Variants in XIRP2 observed in about 807,000 individuals in gnomAD.
XIRP2 encodes xin actin-binding repeat-containing protein 2.
In XIRP2, 236 loss-of-function variants were observed where a neutral mutation model predicts 277.0. The ratio of observed to expected loss-of-function variants is 0.85; its 90% CI spans 0.77 to 0.95. XIRP2 has a LOEUF of 0.95. Among genes scored for constraint, XIRP2 ranks in the 40% least tolerant of loss-of-function variants. The pLI is 0.00. For synonymous variants in XIRP2, 1,490 were observed against 1,416.5 expected, an observed-to-expected ratio of 1.05 and a Z score of -1.17; for missense variants, 4,640 against 4,157.5, an observed-to-expected ratio of 1.12 and a Z score of -3.19.
intron 5 of XIRP2, among the ~76,000 whole-genome samples, chr2:167,222,212 G>A (rs1334277742): frequency 2.0e-5 from 3 of 152,170 alleles, no homozygotes; most frequent in Non-Finnish European, 4.4e-5. Flanking sequence ...TTTAAACTTA[G>A]GATGATGTCC....
At chr2:167,186,653 A>C (rs2105361844) in intron 3 of XIRP2, among the ~76,000 whole-genome samples, 1 of 152,222 alleles carries the variant, frequency 6.6e-6, no homozygotes, top group South Asian at 2.1e-4. Context: ...AAGGACATTT[A>C]ATATGATTCT....
chr2:166,899,888 G>A (rs1684336854), intron 1 of XIRP2, among the ~76,000 whole-genome samples: 1 of 152,012 alleles, frequency 6.6e-6, no homozygotes, highest in Non-Finnish European at 1.5e-5. Context: ...ATGCCACCGC[G>A]CAACGTGAAT....
Position 167,254,137 on chromosome 2 carries a change from C to T in XIRP2, c.*11C>T, listed in dbSNP as rs267598989. The T allele has an allele frequency of 1.3e-5, 21 of 1,609,940 alleles. No individual in the cohort carries two copies. Among genetic ancestry groups the T allele is most frequent in the Non-Finnish European group, 1.7e-5 (20 of 1,177,892 alleles). On this transcript the variant is annotated 3_prime_UTR_variant, in exon 10 of 11. Coordinates refer to ENST00000409195, the MANE Select transcript of XIRP2 (RefSeq NM_152381.6). ...GCAGAATTTTCATAAGTCCTGCTTC[C>T]GATGCCACCATTGCAACAGTAAACT... is the stretch of plus-strand genomic sequence containing the variant.
intron 4 of XIRP2, among the ~76,000 whole-genome samples, chr2:167,213,397 C>A (rs1318316761): frequency 6.6e-6 from 1 of 152,084 alleles, no homozygotes; most frequent in East Asian, 1.9e-4. Flanking sequence ...GTCCAACTCC[C>A]AAAATTATGT....
chr2:167,168,393 A>G (rs1692584779), intron 3 of XIRP2, among the ~76,000 whole-genome samples: 1 of 151,284 alleles, frequency 6.6e-6, no homozygotes, highest in Non-Finnish European at 1.5e-5. Context: ...AAGTTGTCTC[A>G]TGGTTCTGGG....
At chr2:167,225,331 A>G (rs1213665641) in intron 5 of XIRP2, among the ~76,000 whole-genome samples, 4 of 152,180 alleles carry the variant, frequency 2.6e-5, no homozygotes, top group African/African-American at 9.6e-5. Flanking sequence ...ATTTTTTTCA[A>G]TGCTTACAAG....
chr2:167,107,862 T>C (rs1026142059), intron 2 of XIRP2, among the ~76,000 whole-genome samples: 8 of 151,746 alleles, frequency 5.3e-5, no homozygotes, highest in African/African-American at 1.7e-4. Flanking sequence ...AATTTGTGTT[T>C]GTATGTTTCT....
intron 2 of XIRP2, among the ~76,000 whole-genome samples, chr2:167,088,803 C>A (rs1399106487): frequency 6.6e-6 from 1 of 152,156 alleles, no homozygotes; most frequent in Non-Finnish European, 1.5e-5. Context: ...TCTTATTCAT[C>A]TTTCATGTTT....
intron 3 of XIRP2, among the ~76,000 whole-genome samples, chr2:167,152,371 T>C (rs973617923): frequency 2.0e-5 from 3 of 151,726 alleles, no homozygotes; most frequent in African/African-American, 7.3e-5. Context: ...AACTCATGTC[T>C]TTGTGCTATC....
intron 2 of XIRP2, among the ~76,000 whole-genome samples, chr2:167,085,589 T>C (rs999083044): frequency 6.6e-6 from 1 of 152,156 alleles, no homozygotes; most frequent in South Asian, 2.1e-4. Context: ...AGTCTCTTTG[T>C]AGGTCACTCA....
intron 3 of XIRP2, among the ~76,000 whole-genome samples, chr2:167,162,518 A>G (rs1275894307): frequency 1.3e-5 from 2 of 152,124 alleles, no homozygotes; most frequent in Non-Finnish European, 2.9e-5. Flanking sequence ...AGATCTCGTG[A>G]GACTTATTCA....
At chr2:167,168,667 G>T (rs112937476) in intron 3 of XIRP2, among the ~76,000 whole-genome samples, 15,008 of 151,942 alleles carry the variant, frequency 0.099, 783 homozygotes, top group South Asian at 0.15. Flanking sequence ...CAGGCTGGAG[G>T]GCAGTGGCAT....
intron 10 of XIRP2, 77 bp downstream of exon 10, chr2:167,254,242 T>C: frequency 7.3e-7 from 1 of 1,377,348 alleles, no homozygotes; most frequent in Non-Finnish European, 9.5e-7. Context: ...TCTAGGAGGA[T>C]GCACATTTTT....
At chr2:166,985,886 C>T (rs1032157627) in intron 2 of XIRP2, among the ~76,000 whole-genome samples, 1 of 152,076 alleles carries the variant, frequency 6.6e-6, no homozygotes, top group Non-Finnish European at 1.5e-5. Flanking sequence ...ATCAGGTGAT[C>T]TCCTCATCTG....
At chr2:166,938,382 A>G (rs1396774860) in intron 2 of XIRP2, among the ~76,000 whole-genome samples, 3 of 152,168 alleles carry the variant, frequency 2.0e-5, no homozygotes, top group African/African-American at 4.8e-5. Context: ...CAGGTTGTTC[A>G]GTTTCCATGT....
intron 2 of XIRP2, among the ~76,000 whole-genome samples, chr2:166,909,077 T>G (rs1045396476): frequency 2.6e-5 from 4 of 152,232 alleles, no homozygotes; most frequent in Non-Finnish European, 5.9e-5. Context: ...TTCTTTTGGC[T>G]TAGGATTGTC....
chr2:167,161,683 G>A (rs1457995936), intron 3 of XIRP2, among the ~76,000 whole-genome samples: 2 of 152,210 alleles, frequency 1.3e-5, no homozygotes, highest in African/African-American at 2.4e-5. Context: ...CTCTGGGCCT[G>A]TAGAGGGAAG....
chr2:167,180,219 T>A (rs555442867), intron 3 of XIRP2, among the ~76,000 whole-genome samples: 88 of 152,276 alleles, frequency 5.8e-4, no homozygotes, highest in African/African-American at 2.0e-3. Flanking sequence ...AGCCTTTGGT[T>A]TTGTCATCTC....
intron 1 of XIRP2, among the ~76,000 whole-genome samples, chr2:166,895,211 T>A (rs904331123): frequency 2.6e-5 from 4 of 152,200 alleles, no homozygotes; most frequent in African/African-American, 9.6e-5. Context: ...GTGCCATATG[T>A]GACACTGCAA....
Sources: gnomAD v4.1 joint callset for allele counts (sites outside exome capture counted in the v4.1 genomes callset) on GRCh38, gnomAD v4.1.1 for gene constraint, MANE v1.5 for transcripts, NCBI Gene and HGNC (gene_info 2026-07-23, HGNC 2026-07-21) for gene names.